NCAPG2: variants seen among roughly 807,000 people sequenced by gnomAD.
NCAPG2 encodes the protein non-SMC condensin II complex subunit G2.
NCAPG2 carries 53 observed loss-of-function variants against 141.1 expected under a neutral mutation model. The observed-to-expected ratio is 0.38, with a 90% CI of 0.30 to 0.47. NCAPG2 has a LOEUF of 0.47. Ranked by LOEUF, NCAPG2 falls within the 20% of genes least tolerant of loss-of-function variation. The pLI is 0.99. For missense variants in NCAPG2, 1,087 were observed against 1,389.0 expected (o/e 0.78, Z 3.46); for synonymous variants, 499 against 490.7 (o/e 1.02, Z -0.22).
chr7:158,647,796 C>A (rs1456926479), intron 24 of NCAPG2, among the ~76,000 whole-genome samples: 3 of 152,080 alleles, frequency 2.0e-5, no homozygotes, highest in Non-Finnish European at 4.4e-5. Flanking sequence ...GAACTCCTGC[C>A]TCAGTCTCCC....
At position 158,664,642 on chromosome 7, in the gene NCAPG2, T is replaced by C; in HGVS notation, c.1588A>G (p.Asn530Asp). 6.2e-7 allele frequency: 1 copy of C among 1,614,056 alleles called. No individual in the cohort carries two copies. The highest frequency in any genetic ancestry group is 8.5e-7 in the Non-Finnish European group (1 of 1,180,022). Residue 530 changes from asparagine to aspartate, a missense_variant, in exon 14 of 28, where the codon AAT becomes GAT. Asn to Asp is a conservative substitution (Grantham distance 23). Coordinates refer to ENST00000356309, the MANE Select transcript of NCAPG2 (RefSeq NM_017760.7). The part of the protein sequence containing the change: ...SLIFNSFLPV[N>D]QPEEVWCERC... Reference sequence around the variant, plus strand: ...TCGCACCAGACCTCCTCCGGCTGATTCACAGGCAGGAAAGAATTAAAGATG... The same window carrying C: ...TCGCACCAGACCTCCTCCGGCTGATCCACAGGCAGGAAAGAATTAAAGATG...
chr7:158,651,795 G>A (rs924895763), intron 23 of NCAPG2, among the ~76,000 whole-genome samples: 1 of 152,196 alleles, frequency 6.6e-6, no homozygotes, highest in Non-Finnish European at 1.5e-5. Context: ...ACCTGGAGAA[G>A]GTTAACATAG....
chr7:158,689,641 G>A (rs1234022984), intron 6 of NCAPG2, among the ~76,000 whole-genome samples, 178 bp downstream of exon 6: 1 of 152,154 alleles, frequency 6.6e-6, no homozygotes, highest in Non-Finnish European at 1.5e-5. Context: ...GATGAAATAA[G>A]CAAGGACTTG....
Position 158,680,749 on chromosome 7 carries a change from T to C in NCAPG2, c.992A>G (p.Tyr331Cys), listed in dbSNP as rs765423607. The change falls in exon 10 of 28, where the codon TAT (tyrosine) becomes TGT (cysteine). Residue 331 changes from tyrosine (Y) to cysteine (C), a missense_variant. Physicochemically the swap from Tyr to Cys is radical, Grantham distance 194. Coordinates refer to ENST00000356309, the MANE Select transcript of NCAPG2 (RefSeq NM_017760.7). ...TAATCCTCTCCAAAGGATGGGCTTA[T>C]ATAATCTATAAAGCATCTCTTCCAC... ...QGVEEMLYRL[Y>C]KPILWRGLKA... is the part of the protein sequence containing the mutation. The C allele has an allele frequency of 2.5e-6, 4 of 1,602,176 alleles. No homozygotes were observed. The Admixed American group carries it at 5.1e-5, about 20-fold the overall frequency.
In NCAPG2 at chr7:158,677,525, C is replaced by CAAAAAAAAAAAAAAA; in HGVS notation, c.1147-1884_1147-1870dup. 9.4e-4 allele frequency among the ~76,000 whole-genome samples: 85 copies of CAAAAAAAAAAAAAAA among 90,374 alleles called. 1 individual carries two copies. The highest frequency in any genetic ancestry group is 6.1e-3 in the Middle Eastern group (1 of 164). The allele number at this position is 90,374 out of a possible 152,430, so 59.3% of individuals were successfully genotyped here. A position where few individuals can be genotyped will look rare whatever the true frequency, so the allele number is the denominator to read the frequency against. ...AGAAAAAAAGATGATAAAAATAAAG[C>CAAAAAAAAAAAAAAA]AAAAAAAAAAAAAAAAAAAAAAACA... On this transcript the variant is annotated intron_variant, in intron 11 of 27. Transcript: ENST00000356309.
At chr7:158,650,614 G>A (rs758225473) in intron 24 of NCAPG2, among the ~76,000 whole-genome samples, 2 of 152,156 alleles carry the variant, frequency 1.3e-5, no homozygotes, top group Non-Finnish European at 2.9e-5. Context: ...AATCAAGAGT[G>A]ATAATATCCT....
At chr7:158,668,971 T>C (rs1229745595) in intron 13 of NCAPG2, among the ~76,000 whole-genome samples, 1 of 152,218 alleles carries the variant, frequency 6.6e-6, no homozygotes, top group Non-Finnish European at 1.5e-5. Flanking sequence ...CCACCATGTG[T>C]CCACGTGTTC....
chr7:158,687,906 G>C (rs1201247610), intron 6 of NCAPG2, among the ~76,000 whole-genome samples: 1 of 152,160 alleles, frequency 6.6e-6, no homozygotes, highest in African/African-American at 2.4e-5. Context: ...TGTTTGTCAA[G>C]CTAGAATTTC....
intron 16 of NCAPG2, among the ~76,000 whole-genome samples, chr7:158,661,817 G>A (rs1437183362): frequency 6.6e-6 from 1 of 152,206 alleles, no homozygotes; most frequent in Non-Finnish European, 1.5e-5. Context: ...CTTACTGGGT[G>A]CCTTCGGGTA....
Position 158,631,471 on chromosome 7 carries a change from C to T in NCAPG2, c.*195G>A, listed in dbSNP as rs533739991. 5.9e-5 allele frequency: 36 copies of T among 609,242 alleles called. No homozygotes were observed. Among genetic ancestry groups the T allele is most frequent in the Admixed American group, 4.5e-4 (14 of 31,098 alleles). 37.7% of individuals were successfully genotyped at this position (609,242 alleles called of 1,614,324 possible). A position where few individuals can be genotyped will look rare whatever the true frequency, so the allele number is the denominator to read the frequency against. ...TCCTTTATATTAAATATATTATTTACGCAGGCACTAGGCAAAATTGAAGAA... is the reference window on the plus strand; with the variant it reads ...TCCTTTATATTAAATATATTATTTATGCAGGCACTAGGCAAAATTGAAGAA... On this transcript the variant is annotated 3_prime_UTR_variant, in exon 28 of 28. Coordinates refer to ENST00000356309, the MANE Select transcript of NCAPG2 (RefSeq NM_017760.7).
Position 158,656,678 on chromosome 7 carries a change from G to C in NCAPG2, c.2088C>G (p.Ser696Arg). The change falls in exon 18 of 28, where the codon AGC (serine) becomes AGG (arginine). Residue 696 changes from serine (S) to arginine (R), a missense_variant. Transcript: ENST00000356309. ...FSCGVISTLR[S>R]REEGAVDKSY... is the part of the protein sequence containing the mutation. The stretch of plus-strand genomic sequence containing the variant: ...TCTTGTCCACAGCGCCCTCCTCCCG[G>C]CTTCTCAGCGTGGAAATCACACCAC... 2 of 1,614,022 alleles carry C rather than the reference G, an allele frequency of 1.2e-6. No homozygotes were observed. Among genetic ancestry groups the C allele is most frequent in the Non-Finnish European group, 1.7e-6 (2 of 1,180,014 alleles).
At chr7:158,677,046 T>G (rs1299393040) in intron 11 of NCAPG2, among the ~76,000 whole-genome samples, 1 of 152,052 alleles carries the variant, frequency 6.6e-6, no homozygotes, top group African/African-American at 2.4e-5. Context: ...GAAGAGTTTG[T>G]GGCAAGGGCT....
rs1258204464 is a variant in NCAPG2, at chr7:158,686,155, T to A, written c.837+17A>T. 2.7e-6 allele frequency: 4 copies of A among 1,470,424 alleles called. No homozygotes were observed. Among genetic ancestry groups the A allele is most frequent in the East Asian group, 2.4e-5 (1 of 42,510 alleles). 91.1% of individuals were successfully genotyped at this position (1,470,424 alleles called of 1,614,324 possible). On this transcript the variant is annotated intron_variant, in intron 8 of 27. Transcript: ENST00000356309. ...TATAATAAAAATAAGTGTTAACATTTAAAAAAATGAAAATACCTCCAGTAT... is the reference window on the plus strand; with the variant it reads ...TATAATAAAAATAAGTGTTAACATTAAAAAAAATGAAAATACCTCCAGTAT...
chr7:158,639,803 C>G (rs949200791), intron 27 of NCAPG2: 2 of 957,560 alleles, frequency 2.1e-6, no homozygotes, highest in Non-Finnish European at 2.5e-6. Flanking sequence ...CAAAACAAAA[C>G]AACCAACAAC....
chr7:158,642,580 G>A lies in NCAPG2; in HGVS notation c.3380+1709C>T, dbSNP rs1479379628. On this transcript the variant is annotated intron_variant, in intron 27 of 27. Coordinates refer to ENST00000356309, the MANE Select transcript of NCAPG2 (RefSeq NM_017760.7). ...CTGATGGGAAGAAAAAGGACAAAAA[G>A]ATAAATAGAAAAAAAAAGTTTTTTA... Among the ~76,000 whole-genome samples the A allele has an allele frequency of 4.1e-5, 5 of 120,890 alleles. No individual in the cohort carries two copies. In the South Asian group the frequency reaches 1.1e-3, roughly 27 times the overall value. 79.3% of individuals were successfully genotyped at this position (120,890 alleles called of 152,430 possible).
rs147651270 is a variant in NCAPG2 at position 158,676,563 on chromosome 7, T to C, written c.1147-907A>G. On this transcript the variant is annotated intron_variant, in intron 11 of 27. Transcript: ENST00000356309. ...TAAAAAAAAAATTATCTTTTATCAA[T>C]ACCTTCTGACCCATTTAGAGCTGAA... 1.7e-4 allele frequency among the ~76,000 whole-genome samples: 26 copies of C among 152,278 alleles called. No individual in the cohort carries two copies. In the East Asian group the frequency reaches 4.4e-3, roughly 26 times the overall value.
rs1408510946 is a variant in NCAPG2, at chr7:158,644,407, A to G, written c.3281-19T>C. On this transcript the variant is annotated intron_variant, in intron 26 of 27. Transcript: ENST00000356309. ...TGTTTACCTGGGAAAATTATATTAA[A>G]AGACAGAAAAGACTTTAACATCACT... The G allele has an allele frequency of 6.3e-7, 1 of 1,575,508 alleles. No individual in the cohort carries two copies. Among genetic ancestry groups the G allele is most frequent in the Non-Finnish European group, 8.7e-7 (1 of 1,145,314 alleles).
At chr7:158,634,153 C>G (rs1200118861) in intron 27 of NCAPG2, among the ~76,000 whole-genome samples, 4 of 151,676 alleles carry the variant, frequency 2.6e-5, no homozygotes, top group African/African-American at 4.9e-5. Flanking sequence ...CCCTCACTAT[C>G]TGTGGGAGAT....
rs1833683942 is a variant in NCAPG2 at position 158,671,562 on chromosome 7, T to C, written c.1431A>G (p.Val477=). ...TCTTCAACAGCATGTCCACAAAAGC[T>C]ACCCTCACTTTCTCCGAATTGTCGT... ...SLHDNSEKVR[V]AFVDMLLKIK... The change falls in exon 13 of 28, where the codon GTA becomes GTG. Residue 477 remains valine, a synonymous_variant. Coordinates refer to ENST00000356309, the MANE Select transcript of NCAPG2 (RefSeq NM_017760.7). The C allele has an allele frequency of 6.2e-7, 1 of 1,614,090 alleles. No homozygotes were observed. Among genetic ancestry groups the C allele is most frequent in the Admixed American group, 1.7e-5 (1 of 60,008 alleles).
Sources: allele counts gnomAD v4.1 joint callset (sites outside exome capture counted in the v4.1 genomes callset), GRCh38; gene constraint gnomAD v4.1.1; transcripts MANE v1.5; gene names NCBI Gene and HGNC (gene_info 2026-07-23, HGNC 2026-07-21).